Variants in SLC16A7 observed in about 807,000 individuals in gnomAD.
SLC16A7 encodes monocarboxylate transporter 2.
Under a neutral mutation model 34.9 loss-of-function variants are expected in SLC16A7, and 33 were observed. The ratio of observed to expected loss-of-function variants is 0.94; its 90% CI spans 0.72 to 1.26. The LOEUF is 1.26. SLC16A7 is among the 50% of genes most tolerant of loss of function. SLC16A7 has a pLI of 0.00. For missense variants in SLC16A7, 573 were observed against 578.1 expected (o/e 0.99, Z 0.09); for synonymous variants, 201 against 206.6 (o/e 0.97, Z 0.23).
intron 3 of SLC16A7, among the ~76,000 whole-genome samples, chr12:59,735,251 T>G (rs1386067894): frequency 6.6e-6 from 1 of 152,206 alleles, no homozygotes; most frequent in Non-Finnish European, 1.5e-5. Flanking sequence ...TTCAGTATTA[T>G]TCTCATCACA....
chr12:59,759,708 A>C (rs78715677), intron 3 of SLC16A7, among the ~76,000 whole-genome samples: 1,839 of 152,124 alleles, frequency 0.012, 40 homozygotes, highest in African/African-American at 0.041. Flanking sequence ...TTCAGGGGAA[A>C]ATATTTTATT....
intron 2 of SLC16A7, among the ~76,000 whole-genome samples, chr12:59,679,590 C>G (rs1439531028): frequency 6.6e-6 from 1 of 152,112 alleles, no homozygotes; most frequent in Admixed American, 6.5e-5. Context: ...CTGAACTTAC[C>G]TGTCTCATGA....
At chr12:59,728,558 C>A (rs1273854667) in intron 3 of SLC16A7, among the ~76,000 whole-genome samples, 1 of 152,132 alleles carries the variant, frequency 6.6e-6, no homozygotes, top group African/African-American at 2.4e-5. Flanking sequence ...CTTGTAATCC[C>A]AGCACTTTGG....
chr12:59,631,976 A>G (rs1310754208), intron 1 of SLC16A7, among the ~76,000 whole-genome samples: 3 of 151,994 alleles, frequency 2.0e-5, no homozygotes, highest in Non-Finnish European at 2.9e-5. Context: ...ATAAATTACT[A>G]TAAGACAGAG....
chr12:59,738,929 C>A (rs1188041724), intron 3 of SLC16A7, among the ~76,000 whole-genome samples: 3 of 151,150 alleles, frequency 2.0e-5, no homozygotes, highest in Non-Finnish European at 2.9e-5. Flanking sequence ...CTATGGAGAA[C>A]TTACAGTTCT....
chr12:59,741,879 C>A (rs1031381684), intron 3 of SLC16A7, among the ~76,000 whole-genome samples: 3 of 152,126 alleles, frequency 2.0e-5, no homozygotes, highest in Admixed American at 2.0e-4. Context: ...AACCTCAATT[C>A]CTGCCTCCCT....
intron 2 of SLC16A7, among the ~76,000 whole-genome samples, chr12:59,689,804 C>T (rs2137091688): frequency 6.6e-6 from 1 of 152,074 alleles, no homozygotes; most frequent in African/African-American, 2.4e-5. Flanking sequence ...GATCCAAAAT[C>T]TCTTAAATAT....
chr12:59,598,561 A>ATGT (rs1878536547), intron 1 of SLC16A7, among the ~76,000 whole-genome samples: 1 of 152,198 alleles, frequency 6.6e-6, no homozygotes, highest in South Asian at 2.1e-4. Flanking sequence ...GTTGTAAGAA[A>ATGT]TGTTGGTAAG....
intron 3 of SLC16A7, among the ~76,000 whole-genome samples, chr12:59,707,058 T>G (rs1171508738): frequency 6.6e-6 from 1 of 152,150 alleles, no homozygotes; most frequent in East Asian, 1.9e-4. Context: ...GCTTTGTATG[T>G]TGTTCCCTAA....
At position 59,717,025 on chromosome 12, in the gene SLC16A7, C is replaced by T. The variant is rs1051342235; in HGVS notation, c.217+12007C>T. Among the ~76,000 whole-genome samples, 12 of 152,198 alleles carry T rather than the reference C, an allele frequency of 7.9e-5. No individual in the cohort carries two copies. In the South Asian group the frequency reaches 1.0e-3, roughly 13 times the overall value. ...GATGAAATGATAGGTGTTTTGGCAA[C>T]GGCAGCTGTAAAATCTACGTAGCAA... is the stretch of plus-strand genomic sequence containing the variant. On this transcript the variant is annotated intron_variant, in intron 3 of 5. Transcript: ENST00000547379.
chr12:59,759,448 T>C (rs1183307335), intron 3 of SLC16A7, among the ~76,000 whole-genome samples: 1 of 152,058 alleles, frequency 6.6e-6, no homozygotes, highest in Non-Finnish European at 1.5e-5. Flanking sequence ...AATTATATCC[T>C]TGAAGTTCTT....
rs189679970 is a variant in SLC16A7 at position 59,785,882 on chromosome 12, G to A, written c.*6203G>A. The A allele has an allele frequency of 9.2e-5, 14 of 152,188 alleles. No homozygotes were observed. The highest frequency in any genetic ancestry group is 7.9e-4 in the Admixed American group (12 of 15,264). 9.4% of individuals were successfully genotyped at this position (152,188 alleles called of 1,614,324 possible). A position where few individuals can be genotyped will look rare whatever the true frequency, so the allele number is the denominator to read the frequency against. ...TTCTATTAAAATAGAATAAGTTCGT[G>A]TAGGGACATGGATGAAATTAGAAAT... On this transcript the variant is annotated 3_prime_UTR_variant, in exon 6 of 6. Transcript: ENST00000547379.
At chr12:59,732,738 A>C (rs925871252) in intron 3 of SLC16A7, among the ~76,000 whole-genome samples, 6 of 152,224 alleles carry the variant, frequency 3.9e-5, no homozygotes, top group African/African-American at 1.4e-4. Context: ...TCTTCCTTTC[A>C]TGCGTAGTTA....
intron 3 of SLC16A7, among the ~76,000 whole-genome samples, chr12:59,718,992 C>T (rs911286294): frequency 6.6e-6 from 1 of 152,036 alleles, no homozygotes; most frequent in Admixed American, 6.6e-5. Context: ...TTTCAATGCA[C>T]TAGAGTAAGA....
chr12:59,658,309 G>A (rs1278410764), intron 2 of SLC16A7, among the ~76,000 whole-genome samples: 1 of 151,968 alleles, frequency 6.6e-6, no homozygotes, highest in South Asian at 2.1e-4. Context: ...CCTGGACAAA[G>A]CTAAAAATCA....
At chr12:59,702,337 A>G in intron 2 of SLC16A7, among the ~76,000 whole-genome samples, 1 of 152,010 alleles carries the variant, frequency 6.6e-6, no homozygotes, top group Admixed American at 6.6e-5. Context: ...AAATAAACCT[A>G]TCTTCCAATT....
At chr12:59,758,669 G>T (rs1390205195) in intron 3 of SLC16A7, among the ~76,000 whole-genome samples, 3 of 152,042 alleles carry the variant, frequency 2.0e-5, no homozygotes, top group Non-Finnish European at 4.4e-5. Flanking sequence ...AGAAGAATGT[G>T]TAAACCACTG....
intron 2 of SLC16A7, among the ~76,000 whole-genome samples, chr12:59,688,778 A>G (rs1871345662): frequency 6.6e-6 from 1 of 152,112 alleles, no homozygotes; most frequent in Non-Finnish European, 1.5e-5. Context: ...TGTAAATAAA[A>G]TACAGCTTCC....
chr12:59,637,726 ATG>A (rs1157802624), intron 1 of SLC16A7, among the ~76,000 whole-genome samples: 2 of 152,120 alleles, frequency 1.3e-5, no homozygotes, highest in African/African-American at 4.8e-5. Flanking sequence ...TCCAAAGTTC[ATG>A]TGTTGGAAAG....
Sources: gnomAD v4.1 joint callset for allele counts (sites outside exome capture counted in the v4.1 genomes callset) on GRCh38, gnomAD v4.1.1 for gene constraint, MANE v1.5 for transcripts, NCBI Gene and HGNC (gene_info 2026-07-23, HGNC 2026-07-21) for gene names.